The following CERS5 variants were observed in gnomAD, a reference collection of about 807,000 sequenced individuals.
CERS5 encodes the protein LAG1 homolog, ceramide synthase 5.
Under a neutral mutation model 58.9 loss-of-function variants are expected in CERS5, and 37 were observed. That is an observed-to-expected ratio of 0.63 (90% CI 0.48 to 0.83). The LOEUF (loss-of-function observed/expected upper bound fraction) is 0.83, where lower values mean the gene tolerates loss of function less well. Among genes scored for constraint, CERS5 ranks in the 40% least tolerant of loss-of-function variants. CERS5 has a pLI of 0.00. For missense variants in CERS5, 398 were observed against 489.3 expected, an observed-to-expected ratio of 0.81 and a Z score of 1.76; for synonymous variants, 147 against 177.8, an observed-to-expected ratio of 0.83 and a Z score of 1.38.
At chr12:50,163,542 G>A (rs1175964893) in intron 1 of CERS5, among the ~76,000 whole-genome samples, 11 of 152,114 alleles carry the variant, frequency 7.2e-5, no homozygotes, top group Non-Finnish European at 1.2e-4. Flanking sequence ...TTCTACAAGT[G>A]GCTCTAGGCC....
At position 50,143,196 on chromosome 12, in the gene CERS5, A is replaced by G; in HGVS notation, c.312T>C (p.Asp104=). 1 of 1,614,020 alleles carries G rather than the reference A, an allele frequency of 6.2e-7. No homozygotes were observed. The highest frequency in any genetic ancestry group is 8.5e-7 in the Non-Finnish European group (1 of 1,180,006). The change falls in exon 3 of 10, where the codon GAT becomes GAC. Residue 104 remains aspartate, a synonymous_variant. Transcript: ENST00000317551. ...KVFISITKYP[D]KKRLEGLSKQ... The stretch of plus-strand genomic sequence containing the variant: ...TTGACAGGCCCTCCAGCCTTTTCTT[A>G]TCAGGATACTGTGAATGTATAACCA...
chr12:50,147,202 G>C (rs1192793042), intron 1 of CERS5: 1 of 151,996 alleles, frequency 6.6e-6, no homozygotes, highest in Non-Finnish European at 1.5e-5. Flanking sequence ...AGGAGTTCGA[G>C]ACCAGCCTAT....
At chr12:50,152,570 A>G (rs747415481) in intron 1 of CERS5, among the ~76,000 whole-genome samples, 1 of 148,434 alleles carries the variant, frequency 6.7e-6, no homozygotes, top group African/African-American at 2.5e-5. Flanking sequence ...GGTGAAACCC[A>G]GTCTCCACTT....
rs753895191 is a variant in CERS5 at position 50,137,715 on chromosome 12, C to G, written c.636+13G>C. 2 of 1,492,054 alleles carry G rather than the reference C, an allele frequency of 1.3e-6. No homozygotes were observed. Among genetic ancestry groups the G allele is most frequent in the Admixed American group, 3.5e-5 (2 of 56,370 alleles). The allele number at this position is 1,492,054 out of a possible 1,614,324, so 92.4% of individuals were successfully genotyped here. ...GTAATAAGTTGGGGAATTGAGGGAG[C>G]CAACGTCCTTACCTTTCTTTTAATG... On this transcript the variant is annotated intron_variant, in intron 6 of 9. Coordinates refer to ENST00000317551, the MANE Select transcript of CERS5 (RefSeq NM_147190.5).
intron 1 of CERS5, among the ~76,000 whole-genome samples, chr12:50,155,011 C>G (rs946241957): frequency 6.6e-6 from 1 of 152,068 alleles, no homozygotes; most frequent in Non-Finnish European, 1.5e-5. Flanking sequence ...GCGTGCACCA[C>G]CATGCCTGGT....
chr12:50,161,342 G>T (rs1026999718), intron 1 of CERS5, among the ~76,000 whole-genome samples: 2 of 152,230 alleles, frequency 1.3e-5, no homozygotes, highest in African/African-American at 2.4e-5. Context: ...CAGTGTGGTT[G>T]ATGAGAAGGA....
intron 1 of CERS5, among the ~76,000 whole-genome samples, chr12:50,164,118 C>T (rs534096257): frequency 5.1e-4 from 77 of 151,838 alleles, no homozygotes; most frequent in Admixed American, 1.6e-3. Context: ...TACCACTATG[C>T]CCAGCTAATT....
At chr12:50,132,169 G>C (rs1951364659) in intron 9 of CERS5, among the ~76,000 whole-genome samples, 1 of 151,320 alleles carries the variant, frequency 6.6e-6, no homozygotes, top group Non-Finnish European at 1.5e-5. Flanking sequence ...GGAGGCTGAA[G>C]TGGGCGCATC....
At chr12:50,133,021 A>G (rs1452198072) in intron 9 of CERS5, 1 of 1,289,032 alleles carries the variant, frequency 7.8e-7, no homozygotes, top group African/African-American at 1.5e-5. Flanking sequence ...GGAGGTGAGG[A>G]AAGAGTGGAG....
At chr12:50,140,627 T>C (rs1261551681) in intron 4 of CERS5, among the ~76,000 whole-genome samples, 5 of 152,158 alleles carry the variant, frequency 3.3e-5, no homozygotes, top group African/African-American at 1.2e-4. Context: ...AATTGACTTG[T>C]AATTTAATTC....
chr12:50,133,797 G>A (rs1951464769), intron 9 of CERS5: 1 of 985,436 alleles, frequency 1.0e-6, no homozygotes, highest in Non-Finnish European at 1.2e-6. Context: ...AGGCAGGCCA[G>A]GTGCGGTGGC....
chr12:50,136,126 C>T, intron 6 of CERS5, 57 bp from the exon 7 acceptor site: 5 of 1,419,032 alleles, frequency 3.5e-6, no homozygotes, highest in East Asian at 2.5e-5. Flanking sequence ...GAAACACCAG[C>T]CAACCCAACG....
intron 1 of CERS5, among the ~76,000 whole-genome samples, chr12:50,151,310 G>C (rs1565793244): frequency 6.6e-6 from 1 of 152,168 alleles, no homozygotes; most frequent in Non-Finnish European, 1.5e-5. Context: ...CCTTTCAGCA[G>C]CATTTTATTA....
intron 1 of CERS5, among the ~76,000 whole-genome samples, chr12:50,162,987 C>G (rs1362185767): frequency 6.6e-6 from 1 of 152,142 alleles, no homozygotes; most frequent in Non-Finnish European, 1.5e-5. Context: ...CAGCTTTGAA[C>G]TCCTGGGCTC....
At chr12:50,141,756 T>C (rs1951979546) in intron 4 of CERS5, among the ~76,000 whole-genome samples, 1 of 151,848 alleles carries the variant, frequency 6.6e-6, no homozygotes, top group South Asian at 2.1e-4. Flanking sequence ...CTGGCCAACA[T>C]GGTGAAACCC....
intron 6 of CERS5, 105 bp from the exon 7 acceptor site, chr12:50,136,174 A>C: frequency 2.8e-6 from 3 of 1,085,690 alleles, no homozygotes; most frequent in Non-Finnish European, 3.7e-6. Flanking sequence ...CCCACCCCAT[A>C]TAGAATAGTT....
intron 4 of CERS5, 114 bp downstream of exon 4, chr12:50,141,939 C>CAAAAAAA (rs35739493): frequency 5.4e-4 from 219 of 408,752 alleles, no homozygotes; most frequent in South Asian, 1.2e-3. Context: ...GACTCCGTCT[C>CAAAAAAA]AAAAAAAAAA....
At chr12:50,146,588 A>C (rs906484996) in intron 1 of CERS5, among the ~76,000 whole-genome samples, 3 of 152,144 alleles carry the variant, frequency 2.0e-5, no homozygotes, top group Non-Finnish European at 4.4e-5. Flanking sequence ...AGCCGGGCGC[A>C]GTGGCTCACG....
intron 1 of CERS5, among the ~76,000 whole-genome samples, chr12:50,162,174 C>A (rs1488110664): frequency 3.1e-5 from 4 of 128,130 alleles, no homozygotes; most frequent in Admixed American, 9.5e-5. Flanking sequence ...CCATGCCTGG[C>A]TGATTTGTTC....
Sources: allele counts gnomAD v4.1 joint callset (sites outside exome capture counted in the v4.1 genomes callset), GRCh38; gene constraint gnomAD v4.1.1; transcripts MANE v1.5; gene names NCBI Gene and HGNC (gene_info 2026-07-23, HGNC 2026-07-21).